The following SHROOM3 variants were observed in gnomAD, a reference collection of about 807,000 sequenced individuals.
SHROOM3 encodes the protein shroom family member 3, also known as protein Shroom3.
Under a neutral mutation model 138.6 loss-of-function variants are expected in SHROOM3, and 47 were observed. The ratio of observed to expected loss-of-function variants is 0.34; its 90% CI spans 0.27 to 0.43. SHROOM3 has a LOEUF of 0.43. Among genes scored for constraint, SHROOM3 ranks in the 20% least tolerant of loss-of-function variants. SHROOM3 has a pLI of 1.00. For synonymous variants in SHROOM3, 1,062 were observed against 1,063.3 expected, an observed-to-expected ratio of 1.00 and a Z score of 0.02; for missense variants, 2,491 against 2,596.5, an observed-to-expected ratio of 0.96 and a Z score of 0.88.
intron 2 of SHROOM3, among the ~76,000 whole-genome samples, chr4:76,638,565 T>C (rs1218249444): frequency 6.6e-6 from 1 of 152,180 alleles, no homozygotes; most frequent in Non-Finnish European, 1.5e-5. Context: ...AAAGTTTTCT[T>C]TTTTAGTCAA....
At chr4:76,777,730 G>T (rs534485118) in intron 10 of SHROOM3, among the ~76,000 whole-genome samples, 1 of 152,144 alleles carries the variant, frequency 6.6e-6, no homozygotes, top group Non-Finnish European at 1.5e-5. Flanking sequence ...TTGGCTGTGG[G>T]TTTGTCTCCT....
chr4:76,751,574 A>G (rs1490666689), intron 6 of SHROOM3, among the ~76,000 whole-genome samples: 1 of 152,234 alleles, frequency 6.6e-6, no homozygotes, highest in Non-Finnish European at 1.5e-5. Context: ...GAAAAACACT[A>G]GAGGATACCA....
chr4:76,764,005 A>C (rs1722069391), intron 9 of SHROOM3, among the ~76,000 whole-genome samples: 1 of 152,196 alleles, frequency 6.6e-6, no homozygotes, highest in African/African-American at 2.4e-5. Flanking sequence ...AACTTTTGCA[A>C]AGTAATAATT....
chr4:76,747,373 T>C (rs1190946448), intron 5 of SHROOM3, among the ~76,000 whole-genome samples: 1 of 152,198 alleles, frequency 6.6e-6, no homozygotes, highest in East Asian at 1.9e-4. Flanking sequence ...TTCCTTGGGC[T>C]TGTATCAGAT....
At chr4:76,682,978 T>C (rs1396524914) in intron 2 of SHROOM3, among the ~76,000 whole-genome samples, 2 of 152,216 alleles carry the variant, frequency 1.3e-5, no homozygotes, top group African/African-American at 2.4e-5. Context: ...GACAGTACCA[T>C]CCAAGATGCT....
chr4:76,540,662 T>C (rs17002068), intron 1 of SHROOM3, among the ~76,000 whole-genome samples: 3,281 of 152,264 alleles, frequency 0.022, 122 homozygotes, highest in African/African-American at 0.073. Flanking sequence ...GCTAGAAATC[T>C]CATAGTTAAA....
At chr4:76,619,084 A>G (rs938970021) in intron 2 of SHROOM3, among the ~76,000 whole-genome samples, 1 of 152,086 alleles carries the variant, frequency 6.6e-6, no homozygotes, top group South Asian at 2.1e-4. Context: ...CTGACCTTAA[A>G]TGATCCACCT....
chr4:76,736,480 T>A (rs995446522), intron 4 of SHROOM3, among the ~76,000 whole-genome samples: 2 of 152,164 alleles, frequency 1.3e-5, no homozygotes, highest in Non-Finnish European at 2.9e-5. Flanking sequence ...CCGAATATGG[T>A]TTTTCTAGTC....
intron 1 of SHROOM3, among the ~76,000 whole-genome samples, chr4:76,438,741 G>A (rs1308781825): frequency 6.8e-6 from 1 of 147,930 alleles, no homozygotes; most frequent in Non-Finnish European, 1.5e-5. Context: ...TTTAGGGCAG[G>A]GACTATTTTT....
At chr4:76,611,773 T>G (rs549066625) in intron 2 of SHROOM3, among the ~76,000 whole-genome samples, 1 of 152,278 alleles carries the variant, frequency 6.6e-6, no homozygotes, top group African/African-American at 2.4e-5. Context: ...AGCCTCTGGA[T>G]CAGCCTGACT....
chr4:76,484,386 A>G lies in SHROOM3; in HGVS notation c.168+48166A>G, dbSNP rs545048500. Among the ~76,000 whole-genome samples, 10 of 152,082 alleles carry G rather than the reference A, an allele frequency of 6.6e-5. No individual in the cohort carries two copies. In the East Asian group the frequency reaches 1.9e-3, roughly 29 times the overall value. On this transcript the variant is annotated intron_variant, in intron 1 of 10. Transcript: ENST00000296043. Reference sequence around the variant, plus strand: ...CAGGAGTTTGAGATCAGCCTGGGCAACATAGTGAGACCTCATCTCTTAAGA... The same window carrying G: ...CAGGAGTTTGAGATCAGCCTGGGCAGCATAGTGAGACCTCATCTCTTAAGA...
intron 1 of SHROOM3, among the ~76,000 whole-genome samples, chr4:76,527,451 C>T (rs936180850): frequency 2.6e-5 from 4 of 152,110 alleles, no homozygotes; most frequent in Non-Finnish European, 5.9e-5. Context: ...GGCATAGTGG[C>T]GCATGCCTGT....
At chr4:76,668,874 A>G (rs1159479789) in intron 2 of SHROOM3, among the ~76,000 whole-genome samples, 2 of 152,206 alleles carry the variant, frequency 1.3e-5, no homozygotes, top group African/African-American at 2.4e-5. Context: ...GAAAACTGCA[A>G]TTTGGTTCTA....
At chr4:76,553,285 A>AT (rs1240170059) in intron 1 of SHROOM3, among the ~76,000 whole-genome samples, 25 of 151,130 alleles carry the variant, frequency 1.7e-4, no homozygotes, top group Non-Finnish European at 3.2e-4. Context: ...TTATTTATTT[A>AT]TTTTTTTTGA....
At chr4:76,561,326 G>A (rs543238868) in intron 2 of SHROOM3, among the ~76,000 whole-genome samples, 2 of 152,142 alleles carry the variant, frequency 1.3e-5, no homozygotes, top group Non-Finnish European at 2.9e-5. Context: ...GCTGGGAAAA[G>A]AGAGATTGAG....
intron 1 of SHROOM3, among the ~76,000 whole-genome samples, chr4:76,462,231 A>T (rs1731155110): frequency 6.6e-6 from 1 of 152,038 alleles, no homozygotes; most frequent in Admixed American, 6.6e-5. Flanking sequence ...TCTACTAAAC[A>T]TACAAAAATG....
intron 7 of SHROOM3, among the ~76,000 whole-genome samples, chr4:76,756,185 T>C (rs185694906): frequency 6.6e-6 from 1 of 152,320 alleles, no homozygotes; most frequent in African/African-American, 2.4e-5. Flanking sequence ...TATCTATGTA[T>C]GTTTGTGTGT....
chr4:76,488,424 A>G (rs1731782993), intron 1 of SHROOM3, among the ~76,000 whole-genome samples: 1 of 152,252 alleles, frequency 6.6e-6, no homozygotes, highest in Non-Finnish European at 1.5e-5. Context: ...AGGAGGTTAT[A>G]AAGAGTAGAC....
At chr4:76,771,807 T>C (rs1722368695) in intron 10 of SHROOM3, among the ~76,000 whole-genome samples, 1 of 152,164 alleles carries the variant, frequency 6.6e-6, no homozygotes, top group Admixed American at 6.5e-5. Flanking sequence ...TATCACCGCA[T>C]TGAACAGAAT....
Sources: gnomAD v4.1 joint callset for allele counts (sites outside exome capture counted in the v4.1 genomes callset) on GRCh38, gnomAD v4.1.1 for gene constraint, MANE v1.5 for transcripts, NCBI Gene and HGNC (gene_info 2026-07-23, HGNC 2026-07-21) for gene names.